Variants in TBX5 observed in about 807,000 individuals in gnomAD.
TBX5 encodes T-box transcription factor 5.
TBX5 carries 8 observed loss-of-function variants against 51.1 expected under a neutral mutation model. That is an observed-to-expected ratio of 0.16 (90% CI 0.09 to 0.28). The LOEUF (loss-of-function observed/expected upper bound fraction) is 0.28, where lower values mean the gene tolerates loss of function less well. TBX5 is among the 10% of genes least tolerant of loss of function. The pLI, the probability that TBX5 is intolerant of heterozygous loss-of-function variation, is 1.00. For missense variants in TBX5, 589 were observed against 671.7 expected (o/e 0.88, Z 1.36); for synonymous variants, 302 against 266.4 (o/e 1.13, Z -1.30).
chr12:114,380,622 G>C (rs112853014), intron 7 of TBX5, among the ~76,000 whole-genome samples: 2 of 151,490 alleles, frequency 1.3e-5, no homozygotes, highest in African/African-American at 4.8e-5. Context: ...AGGATTGCTT[G>C]AGACCAGGAG....
intron 7 of TBX5, among the ~76,000 whole-genome samples, chr12:114,373,347 A>C (rs1870019649): frequency 6.6e-6 from 1 of 152,226 alleles, no homozygotes; most frequent in African/African-American, 2.4e-5. Context: ...CTCACAGGGC[A>C]GGTGTGGATT....
chr12:114,380,064 G>T (rs117418563), intron 7 of TBX5, among the ~76,000 whole-genome samples: 1 of 152,104 alleles, frequency 6.6e-6, no homozygotes, highest in East Asian at 1.9e-4. Context: ...TTAGACCCTT[G>T]CCCACTTCTT....
At chr12:114,393,367 A>G (rs1871260202) in intron 6 of TBX5, among the ~76,000 whole-genome samples, 1 of 152,044 alleles carries the variant, frequency 6.6e-6, no homozygotes, top group Non-Finnish European at 1.5e-5. Context: ...AGAGCCTTCT[A>G]AGCCCAAATC....
At chr12:114,399,724 C>T in intron 3 of TBX5, 92 bp from the exon 4 acceptor site, 1 of 1,593,292 alleles carries the variant, frequency 6.3e-7, no homozygotes, top group East Asian at 2.2e-5. Flanking sequence ...AAAAGCAATT[C>T]CTGGAGAAAC....
chr12:114,370,765 T>C (rs1286325282), intron 7 of TBX5, among the ~76,000 whole-genome samples: 2 of 152,130 alleles, frequency 1.3e-5, no homozygotes, highest in Admixed American at 6.5e-5. Context: ...TCAGTTATCA[T>C]GTTTATTTTT....
Position 114,399,596 on chromosome 12 carries a change from G to A in TBX5, c.279C>T (p.Gly93=). 1.2e-6 allele frequency: 2 copies of A among 1,614,162 alleles called. No homozygotes were observed. The highest frequency in any genetic ancestry group is 2.2e-5 in the East Asian group (1 of 44,884). The change falls in exon 4 of 9, where the codon GGC becomes GGT. Residue 93 remains glycine (G), a synonymous_variant. Coordinates refer to ENST00000405440, the MANE Select transcript of TBX5 (RefSeq NM_181486.4). ...GAATGTACTTCGTTTTGGGATTAAGGCCCGTCACCTTCACTTTGTAACTGG... is the reference window on the plus strand; with the variant it reads ...GAATGTACTTCGTTTTGGGATTAAGACCCGTCACCTTCACTTTGTAACTGG... ...MFPSYKVKVT[G]LNPKTKYILL... is the part of the protein sequence containing the mutation.
chr12:114,380,787 C>T (rs1870463934), intron 7 of TBX5, among the ~76,000 whole-genome samples: 1 of 152,150 alleles, frequency 6.6e-6, no homozygotes, highest in Non-Finnish European at 1.5e-5. Context: ...TATGATTGTG[C>T]CACTTCATGC....
At chr12:114,383,913 G>A (rs1489062744) in intron 7 of TBX5, among the ~76,000 whole-genome samples, 1 of 152,126 alleles carries the variant, frequency 6.6e-6, no homozygotes, top group East Asian at 1.9e-4. Flanking sequence ...GGACTGAGAG[G>A]TGACTTTGTG....
intron 7 of TBX5, among the ~76,000 whole-genome samples, chr12:114,371,778 C>A (rs1869924797): frequency 1.3e-5 from 2 of 152,012 alleles, no homozygotes; most frequent in African/African-American, 2.4e-5. Context: ...CCCTTGAGAG[C>A]TTTCTTGATT....
Position 114,394,782 on chromosome 12 carries a change from C to T in TBX5, c.622G>A (p.Glu208Lys). The change falls in exon 6 of 9, where the codon GAG becomes AAG. Residue 208 changes from glutamate to lysine, a missense_variant. This residue lies in a region of TBX5 where 17 missense variants were observed against 17.6 expected (regional missense o/e 0.96). Transcript: ENST00000405440. ...GAAGTCACTGCTATAAACGCAGTCT[C>T]AGGAAAGACGTGAGTGCAGAACGCT... The part of the protein sequence containing the change: ...NTAFCTHVFP[E>K]TAFIAVTSYQ... The T allele has an allele frequency of 6.2e-7, 1 of 1,614,170 alleles. No individual in the cohort carries two copies. The highest frequency in any genetic ancestry group is 8.5e-7 in the Non-Finnish European group (1 of 1,180,026).
chr12:114,392,177 C>T (rs1248083270), intron 6 of TBX5, among the ~76,000 whole-genome samples: 1 of 33,758 alleles, frequency 3.0e-5, no homozygotes, highest in Non-Finnish European at 5.6e-5. Flanking sequence ...CTGGATTGCG[C>T]TAAAAAAAAA....
chr12:114,357,087 C>A (rs1868967233), intron 8 of TBX5, among the ~76,000 whole-genome samples: 1 of 152,168 alleles, frequency 6.6e-6, no homozygotes. Context: ...TGTTCAAATT[C>A]TTTCCTGATT....
intron 8 of TBX5, among the ~76,000 whole-genome samples, chr12:114,362,691 G>A (rs976152509): frequency 3.9e-5 from 6 of 151,978 alleles, no homozygotes; most frequent in Non-Finnish European, 8.8e-5. Context: ...TTGAGACAGG[G>A]TCTCTCTCTG....
At position 114,366,206 on chromosome 12, in the gene TBX5, G is replaced by A. The variant is rs1869525167; in HGVS notation, c.941C>T (p.Pro314Leu). The change falls in exon 8 of 9, where the codon CCC (proline) becomes CTC (leucine). Residue 314 changes from proline (P) to leucine (L), a missense_variant. By Grantham distance (98) the Pro-to-Leu change is moderately conservative. Around this residue, in one of 7 missense-constraint regions of TBX5, gnomAD observed 348 missense variants for 360.4 expected, o/e 0.97. Coordinates refer to ENST00000405440, the MANE Select transcript of TBX5 (RefSeq NM_181486.4). ...LLPPPNPYPL[P>L]QEHSQIYHCT... The stretch of plus-strand genomic sequence containing the variant: ...ATGGTAAATTTGGCTATGCTCCTGG[G>A]GCAGTGGGTATGGGTTGGGTGGAGG... 1 of 1,614,108 alleles carries A rather than the reference G, an allele frequency of 6.2e-7. No individual in the cohort carries two copies. The highest frequency in any genetic ancestry group is 1.3e-5 in the African/African-American group (1 of 74,998).
intron 6 of TBX5, among the ~76,000 whole-genome samples, chr12:114,389,670 C>T (rs370214966): frequency 1.1e-3 from 143 of 132,342 alleles, no homozygotes; most frequent in African/African-American, 3.8e-3. Flanking sequence ...AGGAGAATGG[C>T]GTGAACCCGG....
intron 6 of TBX5, among the ~76,000 whole-genome samples, chr12:114,389,120 G>T (rs996739366): frequency 2.0e-5 from 3 of 151,582 alleles, no homozygotes; most frequent in East Asian, 2.0e-4. Context: ...TACAGACAGG[G>T]TTTCACCATG....
intron 5 of TBX5, 37 bp from the exon 6 acceptor site, chr12:114,394,930 C>A: frequency 6.2e-7 from 1 of 1,605,080 alleles, no homozygotes; most frequent in South Asian, 1.1e-5. Flanking sequence ...GTAAGAAAAT[C>A]AAAACTCCCT....
At chr12:114,377,128 A>C (rs924485170) in intron 7 of TBX5, among the ~76,000 whole-genome samples, 4 of 152,228 alleles carry the variant, frequency 2.6e-5, no homozygotes, top group African/African-American at 4.8e-5. Context: ...GGTAAATTAC[A>C]ACCCTAAGAG....
At chr12:114,373,533 A>G (rs961688361) in intron 7 of TBX5, among the ~76,000 whole-genome samples, 4 of 152,202 alleles carry the variant, frequency 2.6e-5, no homozygotes, top group African/African-American at 9.6e-5. Context: ...ATCTCAGCTC[A>G]CTGCAACCTC....
Sources: allele counts gnomAD v4.1 joint callset (sites outside exome capture counted in the v4.1 genomes callset), GRCh38; gene constraint gnomAD v4.1.1; regional missense constraint gnomAD v4.1.1; transcripts MANE v1.5; gene names NCBI Gene and HGNC (gene_info 2026-07-23, HGNC 2026-07-21).